NSUN7: variants seen among roughly 807,000 people sequenced by gnomAD.
The protein encoded by NSUN7 is NOP2/Sun RNA methyltransferase family member 7.
A neutral mutation model predicts 58.5 loss-of-function variants in NSUN7; 39 were observed. The observed-to-expected ratio is 0.67, with a 90% CI of 0.52 to 0.87. The LOEUF (loss-of-function observed/expected upper bound fraction) is 0.87. Ranked by LOEUF, NSUN7 falls within the 40% of genes least tolerant of loss-of-function variation. The probability of loss-of-function intolerance (pLI) is 0.00; values close to 1 mark genes in which losing one functional copy is unlikely to be tolerated. For missense variants in NSUN7, 765 were observed against 844.1 expected (o/e 0.91, Z 1.16); for synonymous variants, 278 against 303.7 (o/e 0.92, Z 0.88).
At chr4:40,761,908 T>C (rs556997816) in intron 4 of NSUN7, among the ~76,000 whole-genome samples, 58 of 152,314 alleles carry the variant, frequency 3.8e-4, no homozygotes, top group African/African-American at 1.4e-3. Context: ...ATGTTAAGTG[T>C]TACTGTTTGC....
intron 7 of NSUN7, among the ~76,000 whole-genome samples, chr4:40,787,339 AAAAAAATAAAAAAAG>A (rs1238086548): frequency 2.7e-5 from 4 of 146,952 alleles, no homozygotes; most frequent in Non-Finnish European, 6.1e-5. Flanking sequence ...AAATAAAAAT[AAAAAAATAAAAAAAG>A]TGATTTTAAA....
At chr4:40,764,048 GT>G (rs879926785) in intron 4 of NSUN7, among the ~76,000 whole-genome samples, 11 of 151,160 alleles carry the variant, frequency 7.3e-5, no homozygotes, top group Middle Eastern at 3.2e-3. Flanking sequence ...AGTCTTCTTT[GT>G]TTTTTTTAAT....
At chr4:40,756,009 G>A (rs1741126310) in intron 2 of NSUN7, among the ~76,000 whole-genome samples, 1 of 152,222 alleles carries the variant, frequency 6.6e-6, no homozygotes, top group Non-Finnish European at 1.5e-5. Flanking sequence ...AGGTGCAGTC[G>A]TGTGGCTGGC....
intron 4 of NSUN7, among the ~76,000 whole-genome samples, chr4:40,768,066 A>G (rs1741821706): frequency 6.6e-6 from 1 of 152,258 alleles, no homozygotes; most frequent in South Asian, 2.1e-4. Context: ...TCTAAACCAC[A>G]GAAAGACAGC....
chr4:40,777,596 G>A (rs759797157), intron 7 of NSUN7, among the ~76,000 whole-genome samples: 7 of 152,122 alleles, frequency 4.6e-5, no homozygotes, highest in East Asian at 3.9e-4. Flanking sequence ...GATTACAGGC[G>A]TGAGCCACCG....
chr4:40,776,420 T>C, intron 7 of NSUN7, 161 bp downstream of exon 7: 1 of 502,168 alleles, frequency 2.0e-6, no homozygotes, highest in South Asian at 3.4e-5. Flanking sequence ...CTGTCCTTGT[T>C]GCTTAATTTG....
intron 4 of NSUN7, among the ~76,000 whole-genome samples, chr4:40,764,169 T>A (rs185436554): frequency 9.2e-5 from 14 of 151,484 alleles, no homozygotes; most frequent in African/African-American, 3.4e-4. Flanking sequence ...GCTGGTGTGC[T>A]GCACCCATTA....
chr4:40,763,595 T>C (rs562280764), intron 4 of NSUN7, among the ~76,000 whole-genome samples: 3 of 152,264 alleles, frequency 2.0e-5, no homozygotes, highest in Non-Finnish European at 2.9e-5. Context: ...AAGATTACAC[T>C]GTGGTTTCAT....
At chr4:40,772,753 C>T (rs1742073090) in intron 4 of NSUN7, among the ~76,000 whole-genome samples, 1 of 152,168 alleles carries the variant, frequency 6.6e-6, no homozygotes. Context: ...TTCTTTGAAA[C>T]AATTTAGGTG....
At chr4:40,763,914 C>T (rs1378463938) in intron 4 of NSUN7, among the ~76,000 whole-genome samples, 4 of 151,990 alleles carry the variant, frequency 2.6e-5, no homozygotes, top group Non-Finnish European at 5.9e-5. Flanking sequence ...ACTCAATTCA[C>T]GTTATACTCA....
rs746021360 is a variant in NSUN7 at position 40,750,759 on chromosome 4, C to T, written c.66C>T (p.Leu22=). 6.2e-7 allele frequency: 1 copy of T among 1,614,196 alleles called. No homozygotes were observed. Among genetic ancestry groups the T allele is most frequent in the Non-Finnish European group, 8.5e-7 (1 of 1,180,024 alleles). ...NEEDPEIISQ[L]TSLPLSGGKS... ...AAGATCCCGAGATCATCTCCCAACT[C>T]ACTTCCCTGCCTCTGTCCGGTGGGA... The change falls in exon 2 of 12, where the codon CTC becomes CTT. Residue 22 remains leucine (L), a synonymous_variant. Coordinates refer to ENST00000381782, the MANE Select transcript of NSUN7 (RefSeq NM_024677.6).
chr4:40,760,602 C>T (rs1741403974), intron 3 of NSUN7, 110 bp downstream of exon 3: 2 of 805,530 alleles, frequency 2.5e-6, no homozygotes, highest in African/African-American at 3.6e-5. Context: ...GTGGCTCACA[C>T]CTGTAATCCC....
intron 4 of NSUN7, among the ~76,000 whole-genome samples, chr4:40,771,060 A>G (rs1032303917): frequency 6.6e-6 from 1 of 152,168 alleles, no homozygotes; most frequent in Non-Finnish European, 1.5e-5. Flanking sequence ...AAAAAATAAA[A>G]AATAATAAAC....
intron 4 of NSUN7, among the ~76,000 whole-genome samples, chr4:40,764,453 C>A (rs1741614808): frequency 6.6e-6 from 1 of 151,802 alleles, no homozygotes; most frequent in African/African-American, 2.4e-5. Flanking sequence ...TGTATATGTG[C>A]CACATTTTCT....
chr4:40,765,377 G>A (rs1351947582), intron 4 of NSUN7, among the ~76,000 whole-genome samples: 4 of 147,188 alleles, frequency 2.7e-5, no homozygotes, highest in Admixed American at 2.1e-4. Flanking sequence ...GTTTGTCAAA[G>A]ATCAGATAGT....
In NSUN7 at chr4:40,775,719, G is replaced by A. The variant is rs1391313833; in HGVS notation, c.826-330G>A. Among the ~76,000 whole-genome samples the A allele has an allele frequency of 1.3e-5, 2 of 152,178 alleles. No homozygotes were observed. Among genetic ancestry groups the A allele is most frequent in the Non-Finnish European group, 2.9e-5 (2 of 68,030 alleles). On this transcript the variant is annotated intron_variant, in intron 6 of 11. Transcript: ENST00000381782. The surrounding 1 kb of genome is among the most constrained non-coding windows in gnomAD (Gnocchi z 4.3). ...TGGGGAAGAGAAAATGGAAGTAGTA[G>A]ATGAGTGGGTTTTTGTGAAGGGGTA... is the stretch of plus-strand genomic sequence containing the variant.
chr4:40,755,707 A>G (rs1408346358), intron 2 of NSUN7, among the ~76,000 whole-genome samples: 4 of 152,216 alleles, frequency 2.6e-5, no homozygotes, highest in Non-Finnish European at 5.9e-5. Flanking sequence ...CAGATTCAAT[A>G]ATTTGCTACA....
intron 7 of NSUN7, among the ~76,000 whole-genome samples, chr4:40,781,716 G>T (rs1244483466): frequency 6.6e-6 from 1 of 152,180 alleles, no homozygotes; most frequent in Admixed American, 6.5e-5. Context: ...AAAGTGTTGG[G>T]ATTACAGGCA....
chr4:40,807,283 G>A, intron 11 of NSUN7, 99 bp downstream of exon 11: 1 of 1,108,708 alleles, frequency 9.0e-7, no homozygotes, highest in East Asian at 2.7e-5. Context: ...CTGTAAAGAT[G>A]TGTTTGCATT....
Sources: allele counts gnomAD v4.1 joint callset (sites outside exome capture counted in the v4.1 genomes callset), GRCh38; gene constraint gnomAD v4.1.1; non-coding constraint Gnocchi (gnomAD v3.1); transcripts MANE v1.5; gene names NCBI Gene and HGNC (gene_info 2026-07-23, HGNC 2026-07-21).